Variants in LRIG3 observed in about 807,000 individuals in gnomAD.
LRIG3 encodes the protein leucine-rich repeats and immunoglobulin-like domains protein 3.
A neutral mutation model predicts 114.5 loss-of-function variants in LRIG3; 76 were observed. The ratio of observed to expected loss-of-function variants is 0.66; its 90% CI spans 0.55 to 0.80. The LOEUF is 0.80. Among genes scored for constraint, LRIG3 ranks in the 30% least tolerant of loss-of-function variants. LRIG3 has a pLI of 0.00. For synonymous variants in LRIG3, 512 were observed against 519.8 expected (o/e 0.98, Z 0.20); for missense variants, 1,239 against 1,382.8 (o/e 0.90, Z 1.65).
At chr12:58,896,560 A>G (rs1312172741) in intron 3 of LRIG3, among the ~76,000 whole-genome samples, 3 of 152,190 alleles carry the variant, frequency 2.0e-5, no homozygotes, top group African/African-American at 7.2e-5. Flanking sequence ...GCAGCTTAAG[A>G]CCTTGCAGCT....
chr12:58,885,648 G>C (rs1871252366), intron 10 of LRIG3, among the ~76,000 whole-genome samples, 183 bp downstream of exon 10: 1 of 152,002 alleles, frequency 6.6e-6, no homozygotes, highest in African/African-American at 2.4e-5. Flanking sequence ...CTTCTATATA[G>C]GTAGGTAGGT....
intron 3 of LRIG3, among the ~76,000 whole-genome samples, chr12:58,909,622 T>C (rs963365399): frequency 5.3e-5 from 8 of 152,196 alleles, no homozygotes; most frequent in Admixed American, 2.0e-4. Context: ...ACTCAGTACA[T>C]GCAAGACAGC....
At chr12:58,903,943 G>A (rs1371904343) in intron 3 of LRIG3, among the ~76,000 whole-genome samples, 1 of 152,058 alleles carries the variant, frequency 6.6e-6, no homozygotes, top group Non-Finnish European at 1.5e-5. Context: ...TTTGGTACCA[G>A]TACCATGCTG....
chr12:58,903,967 A>T (rs1484052882), intron 3 of LRIG3, among the ~76,000 whole-genome samples: 1 of 152,096 alleles, frequency 6.6e-6, no homozygotes, highest in Non-Finnish European at 1.5e-5. Context: ...TGGTGACTGT[A>T]GCCTTGTAGT....
chr12:58,886,977 T>C (rs1871296534), intron 8 of LRIG3, 87 bp from the exon 9 acceptor site: 2 of 931,724 alleles, frequency 2.1e-6, no homozygotes, highest in East Asian at 2.6e-5. Context: ...TTGTAAAAAA[T>C]TTCTCATAAT....
At chr12:58,885,977 C>T (rs1871265055) in intron 9 of LRIG3, 75 bp from the exon 10 acceptor site, 1 of 856,308 alleles carries the variant, frequency 1.2e-6, no homozygotes, top group Non-Finnish European at 1.8e-6. Flanking sequence ...AACAGAACTG[C>T]TTTTTAAATT....
At chr12:58,911,266 C>T (rs528033131) in intron 3 of LRIG3, among the ~76,000 whole-genome samples, 1 of 152,148 alleles carries the variant, frequency 6.6e-6, no homozygotes, top group Non-Finnish European at 1.5e-5. Flanking sequence ...TCTGGACATG[C>T]GGTACCCTTT....
At chr12:58,917,131 C>T (rs1002568234) in intron 1 of LRIG3, among the ~76,000 whole-genome samples, 1 of 151,886 alleles carries the variant, frequency 6.6e-6, no homozygotes, top group East Asian at 1.9e-4. Flanking sequence ...ATTACCCCCA[C>T]CCCACCCCCA....
intron 3 of LRIG3, among the ~76,000 whole-genome samples, chr12:58,909,324 T>G (rs1272325068): frequency 1.3e-5 from 2 of 152,222 alleles, no homozygotes; most frequent in Admixed American, 6.5e-5. Context: ...GGTAAATATG[T>G]GCCTTTCCTG....
chr12:58,911,267 G>A (rs1295151369), intron 3 of LRIG3, among the ~76,000 whole-genome samples: 1 of 152,100 alleles, frequency 6.6e-6, no homozygotes, highest in Non-Finnish European at 1.5e-5. Context: ...CTGGACATGC[G>A]GTACCCTTTG....
chr12:58,896,786 A>C (rs1871657502), intron 3 of LRIG3, among the ~76,000 whole-genome samples: 2 of 152,208 alleles, frequency 1.3e-5, no homozygotes, highest in Admixed American at 6.5e-5. Flanking sequence ...CATTCCATAC[A>C]AACAACCATC....
chr12:58,905,068 G>A (rs1357038901), intron 3 of LRIG3, among the ~76,000 whole-genome samples: 6 of 152,196 alleles, frequency 3.9e-5, no homozygotes, highest in African/African-American at 1.4e-4. Context: ...GAACAACCTG[G>A]CACATCTGGA....
intron 16 of LRIG3, 80 bp downstream of exon 16, chr12:58,876,365 G>T: frequency 1.4e-6 from 2 of 1,474,582 alleles, no homozygotes; most frequent in African/African-American, 1.4e-5. Flanking sequence ...TCAATGTCTT[G>T]TGAAAATGAA....
At chr12:58,894,444 C>T (rs540670788) in intron 3 of LRIG3, among the ~76,000 whole-genome samples, 1 of 152,180 alleles carries the variant, frequency 6.6e-6, no homozygotes, top group African/African-American at 2.4e-5. Flanking sequence ...AAACAAAAAA[C>T]TTGCTTTGTA....
At position 58,888,418 on chromosome 12, in the gene LRIG3, C is replaced by T. The variant is rs769932225; in HGVS notation, c.858G>A (p.Leu286=). Residue 286 remains leucine (L), a synonymous_variant, in exon 7 of 19, where the codon TTG becomes TTA. Coordinates refer to ENST00000320743, the MANE Select transcript of LRIG3 (RefSeq NM_153377.5). The part of the protein sequence containing the change: ...TEITKGWLYG[L]LMLQELHLSQ... ...TGAGATGAAGTTCCTGCAGCATCAG[C>T]AAGCCGTAAAGCCAGCCTTTGGTAA... 1 of 1,613,642 alleles carries T rather than the reference C, an allele frequency of 6.2e-7. No individual in the cohort carries two copies. The highest frequency in any genetic ancestry group is 8.5e-7 in the Non-Finnish European group (1 of 1,179,838).
Position 58,880,561 on chromosome 12 carries a change from G to A in LRIG3, c.1801+20C>T. 6.2e-7 allele frequency: 1 copy of A among 1,602,782 alleles called. No homozygotes were observed. The highest frequency in any genetic ancestry group is 2.2e-5 in the East Asian group (1 of 44,654). Reference sequence around the variant, plus strand: ...CTAAAAGGTATCTTTAAATGCTAAAGGAAAAGTCAGATCACATACTATTTA... The same window carrying A: ...CTAAAAGGTATCTTTAAATGCTAAAAGAAAAGTCAGATCACATACTATTTA... On this transcript the variant is annotated intron_variant, in intron 13 of 18. Transcript: ENST00000320743.
chr12:58,885,862 C>CT lies in LRIG3; in HGVS notation c.1212dup (p.Ala405SerfsTer15). 1 of 1,591,160 alleles carries CT rather than the reference C, an allele frequency of 6.3e-7. No homozygotes were observed. Among genetic ancestry groups the CT allele is most frequent in the Non-Finnish European group, 8.6e-7 (1 of 1,165,660 alleles). Reference sequence around the variant, plus strand: ...TCCAATGCATCCAAACCAGTGAAGGCTTTTTTAGTAATAGAACGGATCCGA... The same window carrying CT: ...TCCAATGCATCCAAACCAGTGAAGGCTTTTTTTAGTAATAGAACGGATCCGA... On this transcript the variant is annotated frameshift_variant, in exon 10 of 19. Transcript: ENST00000320743. LOFTEE classifies it high-confidence loss of function.
Position 58,882,982 on chromosome 12 carries a change from G to A in LRIG3, c.1367C>T (p.Pro456Leu). The A allele has an allele frequency of 6.2e-7, 1 of 1,614,066 alleles. No homozygotes were observed. Among genetic ancestry groups the A allele is most frequent in the Non-Finnish European group, 8.5e-7 (1 of 1,179,950 alleles). ...AAAGTTGTTTTCCGCCACCCACTGT[G>A]GGAGCCATTTTAGCTGGCAATCGCA... is the stretch of plus-strand genomic sequence containing the variant. ...LLCDCQLKWL[P>L]QWVAENNFQS... Residue 456 changes from proline to leucine, a missense_variant, in exon 12 of 19, where the codon CCA becomes CTA. Transcript: ENST00000320743.
At position 58,872,836 on chromosome 12, in the gene LRIG3, T is replaced by G; in HGVS notation, c.3116-20A>C. The stretch of plus-strand genomic sequence containing the variant: ...AGGTACCTGAAAGAAAGAAACACCT[T>G]GAGCACATGGGTCCCTTTGCTAGCA... On this transcript the variant is annotated intron_variant, in intron 18 of 18. Transcript: ENST00000320743. 1.2e-6 allele frequency: 2 copies of G among 1,603,328 alleles called. No homozygotes were observed. Among genetic ancestry groups the G allele is most frequent in the Non-Finnish European group, 1.7e-6 (2 of 1,173,564 alleles).
Sources: allele counts gnomAD v4.1 joint callset (sites outside exome capture counted in the v4.1 genomes callset), GRCh38; gene constraint gnomAD v4.1.1; transcripts MANE v1.5; gene names NCBI Gene and HGNC (gene_info 2026-07-23, HGNC 2026-07-21).